DYNC1H1: variants seen among roughly 807,000 people sequenced by gnomAD.
DYNC1H1 encodes the protein dynein cytoplasmic 1 heavy chain 1.
In DYNC1H1, 51 loss-of-function variants were observed where a neutral mutation model predicts 527.1. The observed-to-expected ratio is 0.10, with a 90% CI of 0.08 to 0.12. The LOEUF is 0.12. Among genes scored for constraint, DYNC1H1 ranks in the 10% least tolerant of loss-of-function variants. The probability of loss-of-function intolerance (pLI) is 1.00; values close to 1 mark genes in which losing one functional copy is unlikely to be tolerated. For missense variants in DYNC1H1, 2,771 were observed against 5,971.8 expected (o/e 0.46, Z 17.66); for synonymous variants, 2,189 against 2,278.8 (o/e 0.96, Z 1.12).
Position 102,016,827 on chromosome 14 carries a change from C to T in DYNC1H1, c.7676C>T (p.Thr2559Met), listed in dbSNP as rs1324450395. The T allele has an allele frequency of 3.1e-6, 5 of 1,613,904 alleles. No homozygotes were observed. Among genetic ancestry groups the T allele is most frequent in the African/African-American group, 1.3e-5 (1 of 74,938 alleles). Residue 2559 changes from threonine to methionine, a missense_variant, in exon 38 of 78, where the codon ACG becomes ATG. This residue lies in a region of DYNC1H1 where 71 missense variants were observed against 143.6 expected (regional missense o/e 0.49). Transcript: ENST00000360184. This position sits in a 1 kb window ranked among gnomAD's most constrained non-coding sequence, Gnocchi z 7.3. The part of the protein sequence containing the change: ...QAKVPQIEVE[T>M]HKVAAPDVVV... ...AAGGTGCCTCAGATTGAAGTGGAGA[C>T]GCACAAGGTGGCAGCCCCTGATGTC...
Position 102,049,287 on chromosome 14 carries a change from A to C in DYNC1H1, c.13373-153A>C, listed in dbSNP as rs956508137. 6 of 1,081,732 alleles carry C rather than the reference A, an allele frequency of 5.5e-6. No individual in the cohort carries two copies. Among genetic ancestry groups the C allele is most frequent in the Middle Eastern group, 2.9e-4 (1 of 3,446 alleles). 67.0% of individuals were successfully genotyped at this position (1,081,732 alleles called of 1,614,324 possible). A position where few individuals can be genotyped will look rare whatever the true frequency, so the allele number is the denominator to read the frequency against. On this transcript the variant is annotated intron_variant, in intron 74 of 77. Transcript: ENST00000360184. This position sits in a 1 kb window ranked among gnomAD's most constrained non-coding sequence, Gnocchi z 5.5. Reference sequence around the variant, plus strand: ...GAGCAGATGTGGTGAGGGCGGCGCCAGGGGCATAAAGTGCAGCCTGGGAAA... The same window carrying C: ...GAGCAGATGTGGTGAGGGCGGCGCCCGGGGCATAAAGTGCAGCCTGGGAAA...
At position 101,975,761 on chromosome 14, in the gene DYNC1H1, C is replaced by T. The variant is rs17540624; in HGVS notation, c.306C>T (p.Asn102=). The T allele has an allele frequency of 3.0e-4, 478 of 1,613,630 alleles. 1 individual carries two copies. The African/African-American group carries it at 5.5e-3, about 19-fold the overall frequency. The change falls in exon 2 of 78, where the codon AAC becomes AAT. Residue 102 remains asparagine (N), a synonymous_variant. Coordinates refer to ENST00000360184, the MANE Select transcript of DYNC1H1 (RefSeq NM_001376.5). ...AAGAAAAAGAATTCATTTCCTATAACATCAACATAGACATTCATTATGGGG... is the reference window on the plus strand; with the variant it reads ...AAGAAAAAGAATTCATTTCCTATAATATCAACATAGACATTCATTATGGGG... ...GEEEKEFISY[N]INIDIHYGVK... is the part of the protein sequence containing the mutation.
At position 101,975,518 on chromosome 14, in the gene DYNC1H1, C is replaced by T. The variant is rs76502158; in HGVS notation, c.257-194C>T. 7.0e-4 allele frequency among the ~76,000 whole-genome samples: 107 copies of T among 152,244 alleles called. 1 individual carries two copies. In the East Asian group the frequency reaches 0.018, roughly 26 times the overall value. ...CACGCTACCCCACTTCACAGACAAC[C>T]GCCTTGCCCAAAGTCACACAGCAAA... On this transcript the variant is annotated intron_variant, in intron 1 of 77. Coordinates refer to ENST00000360184, the MANE Select transcript of DYNC1H1 (RefSeq NM_001376.5).
Position 102,047,916 on chromosome 14 carries a change from C to T in DYNC1H1, c.13106C>T (p.Thr4369Met), listed in dbSNP as rs1290022379. Reference protein sequence around the residue: ...ETEKKTRTDSTSDGRPAWMRT... With the variant: ...ETEKKTRTDSMSDGRPAWMRT... ...GAGAAGAAGACGAGGACAGACTCCACGTCCGACGGGCGCCCTGCCTGGATG... is the reference window on the plus strand; with the variant it reads ...GAGAAGAAGACGAGGACAGACTCCATGTCCGACGGGCGCCCTGCCTGGATG... The change falls in exon 73 of 78, where the codon ACG becomes ATG. Residue 4369 changes from threonine to methionine, a missense_variant. Around this residue, in one of 32 missense-constraint regions of DYNC1H1, gnomAD observed 170 missense variants for 249.8 expected, o/e 0.68. Coordinates refer to ENST00000360184, the MANE Select transcript of DYNC1H1 (RefSeq NM_001376.5). The T allele has an allele frequency of 1.2e-5, 20 of 1,613,578 alleles. No individual in the cohort carries two copies. The highest frequency in any genetic ancestry group is 2.2e-5 in the East Asian group (1 of 44,862).
intron 41 of DYNC1H1, 130 bp from the exon 42 acceptor site, chr14:102,019,763 A>C: frequency 8.3e-7 from 1 of 1,202,274 alleles, no homozygotes; most frequent in Non-Finnish European, 1.2e-6. Context: ...CACCATGTCC[A>C]GCTATCTTCT....
chr14:102,004,959 T>C lies in DYNC1H1; in HGVS notation c.5238+9T>C. 6.2e-7 allele frequency: 1 copy of C among 1,614,192 alleles called. No homozygotes were observed. Among genetic ancestry groups the C allele is most frequent in the Non-Finnish European group, 8.5e-7 (1 of 1,180,026 alleles). ...GGATTGATAAATACCAGGTAATCTA[T>C]AGTAGAAGTGAGTGGGCTCGTGGTG... On this transcript the variant is annotated intron_variant, in intron 25 of 77. Transcript: ENST00000360184.
chr14:102,030,330 G>A (rs371052092), intron 51 of DYNC1H1, 48 bp downstream of exon 51: 30 of 1,613,384 alleles, frequency 1.9e-5, no homozygotes, highest in South Asian at 6.6e-5. Context: ...GGTGGTCTCC[G>A]TCAACATTAC....
At chr14:101,988,596 C>T (rs4906172) in intron 9 of DYNC1H1, 107 bp from the exon 10 acceptor site, 57 of 1,449,094 alleles carry the variant, frequency 3.9e-5, no homozygotes, top group South Asian at 2.8e-4. Context: ...GCTTCTAGTC[C>T]GGAACTGTGT....
chr14:101,995,257 A>G lies in DYNC1H1; in HGVS notation c.3521A>G (p.Gln1174Arg). The change falls in exon 15 of 78, where the codon CAG becomes CGG. Residue 1174 changes from glutamine to arginine, a missense_variant. By Grantham distance (43) the Gln-to-Arg change is conservative (BLOSUM62 1). Coordinates refer to ENST00000360184, the MANE Select transcript of DYNC1H1 (RefSeq NM_001376.5). ...GCAGTGACCTTCATCACCTATGTGC[A>G]GTCTTTGAAACGGAAGATCAAGCAG... The part of the protein sequence containing the change: ...SDAVTFITYV[Q>R]SLKRKIKQFE... 1 of 1,614,238 alleles carries G rather than the reference A, an allele frequency of 6.2e-7. No individual in the cohort carries two copies. The highest frequency in any genetic ancestry group is 8.5e-7 in the Non-Finnish European group (1 of 1,180,052).
In DYNC1H1 at chr14:102,027,877, C is replaced by T; in HGVS notation, c.9263+44C>T. ...GGCTCTGGGTCAGGAAAGTCGGTGTCCTTCCAAGGGACAAAGCCTGCCCCT... is the reference window on the plus strand; with the variant it reads ...GGCTCTGGGTCAGGAAAGTCGGTGTTCTTCCAAGGGACAAAGCCTGCCCCT... On this transcript the variant is annotated intron_variant, in intron 47 of 77. Coordinates refer to ENST00000360184, the MANE Select transcript of DYNC1H1 (RefSeq NM_001376.5). The surrounding 1 kb of genome is among the most constrained non-coding windows in gnomAD (Gnocchi z 7.7). 1 of 1,614,170 alleles carries T rather than the reference C, an allele frequency of 6.2e-7. No homozygotes were observed. The highest frequency in any genetic ancestry group is 8.5e-7 in the Non-Finnish European group (1 of 1,180,036).
chr14:101,990,135 T>TATCCCTGTTG (rs1344574631), intron 10 of DYNC1H1, among the ~76,000 whole-genome samples: 2 of 152,204 alleles, frequency 1.3e-5, no homozygotes, highest in Non-Finnish European at 1.5e-5. Flanking sequence ...TCTCAGAACG[T>TATCCCTGTTG]ATCCCTGTTG....
intron 51 of DYNC1H1, chr14:102,030,507 C>T (rs534654532): frequency 3.5e-6 from 2 of 574,212 alleles, no homozygotes; most frequent in Non-Finnish European, 6.0e-6. Flanking sequence ...ATAGTGAAAC[C>T]CCTCTCATAA....
Position 102,011,035 on chromosome 14 carries a change from G to A in DYNC1H1, c.6618+83G>A, listed in dbSNP as rs1417830602. On this transcript the variant is annotated intron_variant, in intron 32 of 77. Coordinates refer to ENST00000360184, the MANE Select transcript of DYNC1H1 (RefSeq NM_001376.5). The surrounding 1 kb of genome is among the most constrained non-coding windows in gnomAD (Gnocchi z 5.3). ...TGGTAATGACAACCGTGGGCCCTTC[G>A]ATGAAACTGTCCACAAAGGCTGTGG... is the stretch of plus-strand genomic sequence containing the variant. 14 of 1,427,188 alleles carry A rather than the reference G, an allele frequency of 9.8e-6. No individual in the cohort carries two copies. The Admixed American group carries it at 1.0e-4, about 10-fold the overall frequency. 88.4% of individuals were successfully genotyped at this position (1,427,188 alleles called of 1,614,324 possible). A position where few individuals can be genotyped will look rare whatever the true frequency, so the allele number is the denominator to read the frequency against.
rs760813619 is a variant in DYNC1H1, at chr14:102,029,946, G to A, written c.9762+8G>A. On this transcript the variant is annotated splice_region_variant and intron_variant, in intron 50 of 77. Transcript: ENST00000360184. This position sits in a 1 kb window ranked among gnomAD's most constrained non-coding sequence, Gnocchi z 5.3. ...GAGGCTGAAAAGAAGAAGGTATGGT[G>A]TCAGGGAATTCTGGCCTGTAAGGAC... The A allele has an allele frequency of 6.2e-7, 1 of 1,614,152 alleles. No individual in the cohort carries two copies. The highest frequency in any genetic ancestry group is 8.5e-7 in the Non-Finnish European group (1 of 1,180,028).
In DYNC1H1 at chr14:102,042,647, C is replaced by G. The variant is rs144282707; in HGVS notation, c.12412C>G (p.Leu4138Val). Reference protein sequence around the residue: ...MEINPKVPVNLLRAGRIFVFE... With the variant: ...MEINPKVPVNVLRAGRIFVFE... ...CGCTCTCCCTTAGGTGCCTGTGAAT[C>G]TGCTCCGTGCGGGCCGCATCTTTGT... Residue 4138 changes from leucine to valine, a missense_variant, in exon 69 of 78, where the codon CTG becomes GTG. Transcript: ENST00000360184. This position sits in a 1 kb window ranked among gnomAD's most constrained non-coding sequence, Gnocchi z 5.7. 3.1e-6 allele frequency: 5 copies of G among 1,614,188 alleles called. No individual in the cohort carries two copies. Among genetic ancestry groups the G allele is most frequent in the Non-Finnish European group, 4.2e-6 (5 of 1,180,046 alleles).
Position 102,044,172 on chromosome 14 carries a change from G to A in DYNC1H1, c.12685-102G>A. 6.3e-7 allele frequency: 1 copy of A among 1,582,910 alleles called. No individual in the cohort carries two copies. The highest frequency in any genetic ancestry group is 8.6e-7 in the Non-Finnish European group (1 of 1,166,198). On this transcript the variant is annotated intron_variant, in intron 70 of 77. Transcript: ENST00000360184. The surrounding 1 kb of genome is among the most constrained non-coding windows in gnomAD (Gnocchi z 7.1). ...GACCCCTCGTGACCGCCAAAGCCTA[G>A]CTGGCCATGGGGAGTGAGGAGGAAA... is the stretch of plus-strand genomic sequence containing the variant.
At chr14:102,048,086 C>G in intron 73 of DYNC1H1, 58 bp downstream of exon 73, 1 of 1,552,178 alleles carries the variant, frequency 6.4e-7, no homozygotes, top group Non-Finnish European at 8.7e-7. Flanking sequence ...TGGGTATGGT[C>G]ATGGACCATT....
At position 102,017,958 on chromosome 14, in the gene DYNC1H1, T is replaced by A. The variant is rs1022066644; in HGVS notation, c.8177+454T>A. ...CATCTCTACTAAAAATACAAAAAAT[T>A]AGCCAGGCATGGTGGCAGGTGCCTG... On this transcript the variant is annotated intron_variant, in intron 40 of 77. Coordinates refer to ENST00000360184, the MANE Select transcript of DYNC1H1 (RefSeq NM_001376.5). This position sits in a 1 kb window ranked among gnomAD's most constrained non-coding sequence, Gnocchi z 4.6. 8.1e-5 allele frequency: 22 copies of A among 272,706 alleles called. No individual in the cohort carries two copies. The highest frequency in any genetic ancestry group is 4.9e-4 in the African/African-American group (22 of 44,902). 16.9% of individuals were successfully genotyped at this position (272,706 alleles called of 1,614,324 possible). A position where few individuals can be genotyped will look rare whatever the true frequency, so the allele number is the denominator to read the frequency against.
Position 102,041,441 on chromosome 14 carries a change from T to A in DYNC1H1, c.11942-133T>A. On this transcript the variant is annotated intron_variant, in intron 64 of 77. Coordinates refer to ENST00000360184, the MANE Select transcript of DYNC1H1 (RefSeq NM_001376.5). The surrounding 1 kb of genome is among the most constrained non-coding windows in gnomAD (Gnocchi z 4.5). ...GAAGGCACAGCAGATGTGGCTGAAT[T>A]TCCTGATTTGAGCTGATCCTGAAAT... 1 of 1,451,868 alleles carries A rather than the reference T, an allele frequency of 6.9e-7. No homozygotes were observed. Among genetic ancestry groups the A allele is most frequent in the Non-Finnish European group, 9.6e-7 (1 of 1,043,680 alleles). The allele number at this position is 1,451,868 out of a possible 1,614,324, so 89.9% of individuals were successfully genotyped here.
Sources: gnomAD v4.1 joint callset for allele counts (sites outside exome capture counted in the v4.1 genomes callset) on GRCh38, gnomAD v4.1.1 for gene constraint, gnomAD v4.1.1 regional missense constraint, Gnocchi (gnomAD v3.1) non-coding constraint, MANE v1.5 for transcripts, NCBI Gene and HGNC (gene_info 2026-07-23, HGNC 2026-07-21) for gene names.